The following AUTS2 variants were observed in gnomAD, a reference collection of about 807,000 sequenced individuals.
AUTS2 encodes autism susceptibility gene 2 protein.
In AUTS2, 17 loss-of-function variants were observed where a neutral mutation model predicts 112.4. The observed-to-expected ratio is 0.15, with a 90% CI of 0.10 to 0.23. The LOEUF is 0.23. Ranked by LOEUF, AUTS2 falls within the 10% of genes least tolerant of loss-of-function variation. The pLI, the probability that AUTS2 is intolerant of heterozygous loss-of-function variation, is 1.00. For missense variants in AUTS2, 1,510 were observed against 1,701.6 expected, an observed-to-expected ratio of 0.89 and a Z score of 1.98; for synonymous variants, 751 against 702.7, an observed-to-expected ratio of 1.07 and a Z score of -1.09.
rs372568196 is a variant in AUTS2, at chr7:69,898,430, C to T, written c.310-856C>T. Among the ~76,000 whole-genome samples the T allele has an allele frequency of 7.2e-5, 11 of 152,144 alleles. No homozygotes were observed. The East Asian group carries it at 9.6e-4, about 13-fold the overall frequency. ...TGATGTTCTGAGAGCCCATTTTGCA[C>T]GTGGTCTCAGAGTTGTAGTGACTTA... On this transcript the variant is annotated intron_variant, in intron 1 of 18. Coordinates refer to ENST00000342771, the MANE Select transcript of AUTS2 (RefSeq NM_015570.4).
chr7:70,299,611 T>G (rs553368663), intron 4 of AUTS2, among the ~76,000 whole-genome samples: 1 of 152,270 alleles, frequency 6.6e-6, no homozygotes, highest in South Asian at 2.1e-4. Flanking sequence ...CACCACAGCC[T>G]GAACTTTCAG....
intron 5 of AUTS2, among the ~76,000 whole-genome samples, chr7:70,565,526 A>G (rs1801672725): frequency 6.6e-6 from 1 of 152,174 alleles, no homozygotes; most frequent in Non-Finnish European, 1.5e-5. Context: ...AAAAAAATAC[A>G]AAAATTAGCC....
intron 6 of AUTS2, among the ~76,000 whole-genome samples, chr7:70,708,418 A>G (rs1019945296): frequency 3.3e-5 from 5 of 152,242 alleles, no homozygotes; most frequent in African/African-American, 1.2e-4. Context: ...GGTGGAAACC[A>G]TATTGAAATG....
At chr7:70,115,818 T>G (rs1280522259) in intron 2 of AUTS2, among the ~76,000 whole-genome samples, 1 of 152,014 alleles carries the variant, frequency 6.6e-6, no homozygotes. Flanking sequence ...TGTCATAATT[T>G]AAAAAATAAA....
intron 1 of AUTS2, among the ~76,000 whole-genome samples, chr7:69,622,082 T>C (rs1305046822): frequency 2.0e-5 from 3 of 152,234 alleles, no homozygotes; most frequent in Non-Finnish European, 4.4e-5. Flanking sequence ...TGTTTTAGAC[T>C]TTCCTATAGT....
At chr7:70,489,376 T>C (rs1313438121) in intron 5 of AUTS2, among the ~76,000 whole-genome samples, 1 of 152,202 alleles carries the variant, frequency 6.6e-6, no homozygotes, top group Non-Finnish European at 1.5e-5. Flanking sequence ...ATGTCATCAA[T>C]ATCCCTAAAC....
intron 2 of AUTS2, among the ~76,000 whole-genome samples, chr7:69,908,774 G>C (rs1037333420): frequency 6.6e-6 from 1 of 152,198 alleles, no homozygotes; most frequent in East Asian, 1.9e-4. Context: ...CTAATTGCTG[G>C]TGATGGTTCT....
chr7:70,400,587 T>C (rs945573324), intron 4 of AUTS2, among the ~76,000 whole-genome samples: 3 of 152,166 alleles, frequency 2.0e-5, no homozygotes, highest in Admixed American at 2.0e-4. Context: ...GCAGACAAGC[T>C]GAAAAGTCGC....
chr7:70,232,888 C>G (rs2129597130), intron 4 of AUTS2, among the ~76,000 whole-genome samples: 1 of 152,210 alleles, frequency 6.6e-6, no homozygotes, highest in Non-Finnish European at 1.5e-5. Flanking sequence ...TATTTGTTTT[C>G]AACTTTTAAA....
Position 70,631,460 on chromosome 7 carries a change from G to A in AUTS2, c.691-67109G>A, listed in dbSNP as rs1266707713. Among the ~76,000 whole-genome samples the A allele has an allele frequency of 6.6e-6, 1 of 152,192 alleles. No individual in the cohort carries two copies. Among genetic ancestry groups the A allele is most frequent in the African/African-American group, 2.4e-5 (1 of 41,456 alleles). ...AGGAAGCGTCCAATGGGCCGTTCAG[G>A]TTAGGGAGTTCCGAGACTCTCCATG... On this transcript the variant is annotated intron_variant, in intron 5 of 18. Coordinates refer to ENST00000342771, the MANE Select transcript of AUTS2 (RefSeq NM_015570.4). The surrounding 1 kb of genome is among the most constrained non-coding windows in gnomAD (Gnocchi z 4.5).
At chr7:70,122,318 C>T (rs1805723824) in intron 3 of AUTS2, among the ~76,000 whole-genome samples, 1 of 152,106 alleles carries the variant, frequency 6.6e-6, no homozygotes, top group Non-Finnish European at 1.5e-5. Context: ...CACTGAATTA[C>T]ACAATTAAAA....
At chr7:70,280,313 C>G (rs1788148532) in intron 4 of AUTS2, among the ~76,000 whole-genome samples, 1 of 138,832 alleles carries the variant, frequency 7.2e-6, no homozygotes, top group Non-Finnish European at 1.5e-5. Flanking sequence ...GAGACAGAGT[C>G]TCGCTCTGTC....
chr7:70,611,617 T>C (rs1447238174), intron 5 of AUTS2, among the ~76,000 whole-genome samples: 1 of 152,226 alleles, frequency 6.6e-6, no homozygotes, highest in Non-Finnish European at 1.5e-5. Context: ...AAAGGAGCTA[T>C]CATCCACCTT....
chr7:69,976,348 T>G (rs1052443852), intron 2 of AUTS2, among the ~76,000 whole-genome samples: 1 of 152,262 alleles, frequency 6.6e-6, no homozygotes, highest in Admixed American at 6.5e-5. Context: ...TTTCTAAGGC[T>G]ATATAATATT....
At chr7:70,521,582 T>C (rs1041027261) in intron 5 of AUTS2, among the ~76,000 whole-genome samples, 1 of 152,218 alleles carries the variant, frequency 6.6e-6, no homozygotes, top group Non-Finnish European at 1.5e-5. Context: ...CAGTCCTACC[T>C]ACAAAATACA....
chr7:70,716,636 CAAAAAAAAAAAA>C (rs34972760), intron 6 of AUTS2, among the ~76,000 whole-genome samples: 21,033 of 65,328 alleles, frequency 0.32, 2,213 homozygotes, highest in East Asian at 0.57. Context: ...GACTCCGTCT[CAAAAAAAAAAAA>C]AAAAAAAAAA....
chr7:70,750,351 T>C (rs1219519690), intron 6 of AUTS2, among the ~76,000 whole-genome samples: 1 of 144,910 alleles, frequency 6.9e-6, no homozygotes. Flanking sequence ...TTAAACAGGG[T>C]CTCACTCTGT....
chr7:70,482,956 G>A (rs1357496940), intron 5 of AUTS2, among the ~76,000 whole-genome samples: 2 of 152,058 alleles, frequency 1.3e-5, no homozygotes, highest in East Asian at 3.8e-4. Flanking sequence ...AAAGCGGTTG[G>A]GACATGTCAT....
intron 1 of AUTS2, among the ~76,000 whole-genome samples, chr7:69,850,435 A>G (rs1030285652): frequency 7.3e-6 from 1 of 137,644 alleles, no homozygotes; most frequent in South Asian, 2.3e-4. Flanking sequence ...AAAAAAAAAA[A>G]GTCAGACTTT....
Sources: allele counts gnomAD v4.1 joint callset (sites outside exome capture counted in the v4.1 genomes callset), GRCh38; gene constraint gnomAD v4.1.1; non-coding constraint Gnocchi (gnomAD v3.1); transcripts MANE v1.5; gene names NCBI Gene and HGNC (gene_info 2026-07-23, HGNC 2026-07-21).